The following GGN variants were observed in gnomAD, a reference collection of about 807,000 sequenced individuals.
The protein encoded by GGN is gametogenetin.
Under a neutral mutation model 35.5 loss-of-function variants are expected in GGN, and 27 were observed. The observed-to-expected ratio is 0.76, with a 90% CI of 0.56 to 1.05. The LOEUF (loss-of-function observed/expected upper bound fraction) is 1.05. Among genes scored for constraint, GGN ranks in the 50% least tolerant of loss-of-function variants. The pLI, the probability that GGN is intolerant of heterozygous loss-of-function variation, is 0.00. For synonymous variants in GGN, 425 were observed against 444.1 expected (o/e 0.96, Z 0.54); for missense variants, 1,006 against 940.7 (o/e 1.07, Z -0.91).
At chr19:38,388,062 T>C (rs550407161), upstream of GGN, 480 of 157,752 alleles carry the variant, frequency 3.0e-3, 5 homozygotes, top group Non-Finnish European at 4.8e-3. Context: ...GTTGTTCTCC[T>C]TAGCCCCTCC....
At position 38,387,092 on chromosome 19, in the gene GGN, G is replaced by C; in HGVS notation, c.170C>G (p.Pro57Arg). 1 of 1,559,412 alleles carries C rather than the reference G, an allele frequency of 6.4e-7. No individual in the cohort carries two copies. The highest frequency in any genetic ancestry group is 1.7e-4 in the Middle Eastern group (1 of 5,994). Reference protein sequence around the residue: ...LGVWFPGSATPPGLMVPREPQ... With the variant: ...LGVWFPGSATRPGLMVPREPQ... ...CTCCCGGGGTACCATGAGTCCCGGG[G>C]GTGTGGCGCTGCCAGGGAACCAGAC... Residue 57 changes from proline to arginine, a missense_variant, in exon 3 of 4, where the codon CCC (proline) becomes CGC (arginine). By Grantham distance (103) the Pro-to-Arg change is moderately radical. Coordinates refer to ENST00000334928, the MANE Select transcript of GGN (RefSeq NM_152657.4). The surrounding 1 kb of genome is among the most constrained non-coding windows in gnomAD (Gnocchi z 5.3).
rs200897385 is a variant in GGN, at chr19:38,384,403, C to T, written c.*9G>A. 1.4e-5 allele frequency: 23 copies of T among 1,598,810 alleles called. No homozygotes were observed. Among genetic ancestry groups the T allele is most frequent in the South Asian group, 4.4e-5 (4 of 90,690 alleles). On this transcript the variant is annotated 3_prime_UTR_variant, in exon 4 of 4. Transcript: ENST00000334928. ...GAGGGGAAGGTGGAGGGTGTTGAGC[C>T]GACTACACTCAGTTGGAATGGGTGG...
Position 38,386,440 on chromosome 19 carries a change from G to A in GGN, c.822C>T (p.Gly274=). The A allele has an allele frequency of 1.9e-6, 3 of 1,612,720 alleles. No individual in the cohort carries two copies. The highest frequency in any genetic ancestry group is 2.5e-6 in the Non-Finnish European group (3 of 1,179,932). ...TGGCACCTGAGGCAGCAAAGAGGCC[G>A]CCGCCTCCGCCGCCCCCCAGCGAAG... ...AKASLGGGGG[G]GLFAASGAIS... The change falls in exon 3 of 4, where the codon GGC becomes GGT. Residue 274 remains glycine, a synonymous_variant. Coordinates refer to ENST00000334928, the MANE Select transcript of GGN (RefSeq NM_152657.4).
chr19:38,385,399 C>T, intron 3 of GGN, 22 bp downstream of exon 3: 2 of 1,613,010 alleles, frequency 1.2e-6, no homozygotes, highest in Non-Finnish European at 1.7e-6. Context: ...TCGGCACCCT[C>T]CTGTCCCTTC....
intron 3 of GGN, 138 bp downstream of exon 3, chr19:38,385,283 G>T: frequency 8.4e-7 from 1 of 1,184,172 alleles, no homozygotes; most frequent in Non-Finnish European, 1.2e-6. Flanking sequence ...GTCCTGAAGG[G>T]TGGGAGCTCA....
At position 38,386,568 on chromosome 19, in the gene GGN, G is replaced by C; in HGVS notation, c.694C>G (p.Pro232Ala). ...PHAGEGEMAQ[P>A]ADSESGLSLL... The stretch of plus-strand genomic sequence containing the variant: ...CTCAGACCGGACTCGGAATCCGCAG[G>C]CTGGGCCATTTCGCCTTCGCCCGCA... The change falls in exon 3 of 4, where the codon CCT (proline) becomes GCT (alanine). Residue 232 changes from proline to alanine, a missense_variant. Physicochemically the swap from Pro to Ala is conservative, Grantham distance 27 (BLOSUM62 -1). Transcript: ENST00000334928. 2 of 1,613,676 alleles carry C rather than the reference G, an allele frequency of 1.2e-6. No individual in the cohort carries two copies. The highest frequency in any genetic ancestry group is 1.7e-6 in the Non-Finnish European group (2 of 1,179,940).
At position 38,386,679 on chromosome 19, in the gene GGN, G is replaced by C. The variant is rs918528786; in HGVS notation, c.583C>G (p.Pro195Ala). ...TGGCTTTCTGTCGGGGGTGAGGCGG[G>C]TGTGGCCAGAGCAGGAGTGATTCTG... ...DRRITPALATPASPPTESQAG... is the reference protein window; with the variant it reads ...DRRITPALATAASPPTESQAG... The change falls in exon 3 of 4, where the codon CCC (proline) becomes GCC (alanine). Residue 195 changes from proline to alanine, a missense_variant. By Grantham distance (27) the Pro-to-Ala change is conservative. Coordinates refer to ENST00000334928, the MANE Select transcript of GGN (RefSeq NM_152657.4). 1 of 1,610,546 alleles carries C rather than the reference G, an allele frequency of 6.2e-7. No homozygotes were observed. The highest frequency in any genetic ancestry group is 1.3e-5 in the African/African-American group (1 of 74,982).
chr19:38,386,102 C>T lies in GGN; in HGVS notation c.1160G>A (p.Trp387Ter). Residue 387 changes from tryptophan to a stop codon, truncating the protein, a stop_gained, in exon 3 of 4, where the codon TGG (tryptophan) becomes TAG (stop). Coordinates refer to ENST00000334928, the MANE Select transcript of GGN (RefSeq NM_152657.4). LOFTEE classifies it high-confidence loss of function. ...CTCTGGTGGTGGCGGAGGGGAGCCC[C>T]AAGGCCCAGAGAGTGCGGCCGCACG... ...RRRAAALSGPWGSPPPPPEQI... is the reference protein window; with the variant it reads ...RRRAAALSGP The T allele has an allele frequency of 2.5e-6, 4 of 1,582,950 alleles. No homozygotes were observed. The highest frequency in any genetic ancestry group is 1.3e-5 in the African/African-American group (1 of 74,462).
chr19:38,385,937 G>T lies in GGN; in HGVS notation c.1325C>A (p.Pro442Gln). The T allele has an allele frequency of 6.3e-7, 1 of 1,586,950 alleles. No individual in the cohort carries two copies. The highest frequency in any genetic ancestry group is 8.6e-7 in the Non-Finnish European group (1 of 1,168,012). ...PGLQELPPLP[P>Q]PTPPPTLQPP... ...CTGCAGTGTGGGCGGCGGTGTGGGC[G>T]GTGGCAGCGGTGGTAACTCCTGCAG... Residue 442 changes from proline to glutamine, a missense_variant, in exon 3 of 4, where the codon CCG becomes CAG. By Grantham distance (76) the Pro-to-Gln change is moderately conservative (BLOSUM62 -1). Coordinates refer to ENST00000334928, the MANE Select transcript of GGN (RefSeq NM_152657.4).
At position 38,386,074 on chromosome 19, in the gene GGN, C is replaced by A; in HGVS notation, c.1188G>T (p.Gln396His). 6.3e-7 allele frequency: 1 copy of A among 1,589,814 alleles called. No individual in the cohort carries two copies. Among genetic ancestry groups the A allele is most frequent in the South Asian group, 1.1e-5 (1 of 87,948 alleles). The change falls in exon 3 of 4, where the codon CAG becomes CAT. Residue 396 changes from glutamine to histidine, a missense_variant. Coordinates refer to ENST00000334928, the MANE Select transcript of GGN (RefSeq NM_152657.4). ...TCCGGGGCCCGGGAGCTGAGTGTATCTGCTCTGGTGGTGGCGGAGGGGAGC... is the reference window on the plus strand; with the variant it reads ...TCCGGGGCCCGGGAGCTGAGTGTATATGCTCTGGTGGTGGCGGAGGGGAGC... ...PWGSPPPPPE[Q>H]IHSAPGPRRP...
chr19:38,385,760 G>T lies in GGN; in HGVS notation c.1502C>A (p.Ala501Asp). 1 of 1,589,930 alleles carries T rather than the reference G, an allele frequency of 6.3e-7. No homozygotes were observed. The change falls in exon 3 of 4, where the codon GCT becomes GAT. Residue 501 changes from alanine to aspartate, a missense_variant. Physicochemically the swap from Ala to Asp is moderately radical, Grantham distance 126 (BLOSUM62 -2). Transcript: ENST00000334928. Reference protein sequence around the residue: ...DQAPAPSPAPAPTVAEPSPPV... With the variant: ...DQAPAPSPAPDPTVAEPSPPV... ...CGGCGAGGGCTCAGCCACGGTGGGA[G>T]CTGGAGCCGGGGATGGGGCCGGGGC...
chr19:38,385,246 G>A (rs1336318683), intron 3 of GGN, among the ~76,000 whole-genome samples, 175 bp downstream of exon 3: 1 of 152,222 alleles, frequency 6.6e-6, no homozygotes, highest in African/African-American at 2.4e-5. Flanking sequence ...CCCGTCAAAG[G>A]TCAGCATGGG....
Position 38,385,885 on chromosome 19 carries a change from C to A in GGN, c.1377G>T (p.Leu459=). 1 of 1,551,846 alleles carries A rather than the reference C, an allele frequency of 6.4e-7. No homozygotes were observed. Among genetic ancestry groups the A allele is most frequent in the Non-Finnish European group, 8.7e-7 (1 of 1,150,796 alleles). Residue 459 remains leucine, a synonymous_variant, in exon 3 of 4, where the codon CTG becomes CTT. Coordinates refer to ENST00000334928, the MANE Select transcript of GGN (RefSeq NM_152657.4). ...CCGGGGTGAGCGGGGGAGCCACCGGCAGCGGCGTTGGCTGGAGCGCTGGTG... is the reference window on the plus strand; with the variant it reads ...CCGGGGTGAGCGGGGGAGCCACCGGAAGCGGCGTTGGCTGGAGCGCTGGTG... ...LQPPALQPTP[L]PVAPPLTPGL...
rs1970684140 is a variant in GGN, at chr19:38,384,981, T to A, written c.1841+440A>T. Reference sequence around the variant, plus strand: ...GGGGTCAGGAGTCCAGGGCTGCCCCTGTGCCCAGTAAAGTTGGAGGCGTGC... The same window carrying A: ...GGGGTCAGGAGTCCAGGGCTGCCCCAGTGCCCAGTAAAGTTGGAGGCGTGC... On this transcript the variant is annotated intron_variant, in intron 3 of 3. Transcript: ENST00000334928. 3.3e-5 allele frequency among the ~76,000 whole-genome samples: 5 copies of A among 152,182 alleles called. No individual in the cohort carries two copies. The South Asian group carries it at 1.0e-3, about 32-fold the overall frequency.
In GGN at chr19:38,385,670, G is replaced by T; in HGVS notation, c.1592C>A (p.Ser531Tyr). 6.2e-7 allele frequency: 1 copy of T among 1,613,770 alleles called. No homozygotes were observed. Among genetic ancestry groups the T allele is most frequent in the Non-Finnish European group, 8.5e-7 (1 of 1,179,954 alleles). Residue 531 changes from serine (S) to tyrosine (Y), a missense_variant, in exon 3 of 4, where the codon TCC (serine) becomes TAC (tyrosine). Physicochemically the swap from Ser to Tyr is moderately radical, Grantham distance 144 (BLOSUM62 -2). Coordinates refer to ENST00000334928, the MANE Select transcript of GGN (RefSeq NM_152657.4). ...ACGGGTCGCGCCCCGGGCTGCACGG[G>T]AACCCTTGTTCCTGCGCGTGCGGGT... ...IKTRTRRNKG[S>Y]RAARGATRKD...
chr19:38,385,364 A>G, intron 3 of GGN, 57 bp downstream of exon 3: 1 of 1,608,946 alleles, frequency 6.2e-7, no homozygotes, highest in Non-Finnish European at 8.5e-7. Flanking sequence ...AGGGCTGAGT[A>G]GGACTCTATC....
chr19:38,386,791 G>T lies in GGN; in HGVS notation c.471C>A (p.Val157=), dbSNP rs778042910. Residue 157 remains valine, a synonymous_variant, in exon 3 of 4, where the codon GTC becomes GTA. Transcript: ENST00000334928. ...GCGGAAATTGGGATGGGGCCCTCGG[G>T]ACAGTGTCCTTCACGGATAGTTGCC... ...PPRQLSVKDT[V]PRAPSQFPPP... is the part of the protein sequence containing the mutation. 3 of 1,611,110 alleles carry T rather than the reference G, an allele frequency of 1.9e-6. No homozygotes were observed. The South Asian group carries it at 3.3e-5, about 18-fold the overall frequency.
At position 38,387,192 on chromosome 19, in the gene GGN, G is replaced by T. The variant is rs749876285; in HGVS notation, c.70C>A (p.Pro24Thr). 6.3e-7 allele frequency: 1 copy of T among 1,592,972 alleles called. No homozygotes were observed. Among genetic ancestry groups the T allele is most frequent in the Admixed American group, 1.7e-5 (1 of 57,694 alleles). The change falls in exon 3 of 4, where the codon CCC becomes ACC. Residue 24 changes from proline (P) to threonine (T), a missense_variant. Transcript: ENST00000334928. This position sits in a 1 kb window ranked among gnomAD's most constrained non-coding sequence, Gnocchi z 5.3. Reference sequence around the variant, plus strand: ...ACCAGGGACGTCCGGCGGGAGTCGGGGGCGCGGTCCGAGGGCTGCACTTTT... The same window carrying T: ...ACCAGGGACGTCCGGCGGGAGTCGGTGGCGCGGTCCGAGGGCTGCACTTTT... ...SRKVQPSDRAPDSRRTSLVEP... is the reference protein window; with the variant it reads ...SRKVQPSDRATDSRRTSLVEP...
Position 38,385,665 on chromosome 19 carries a change from C to T in GGN, c.1597G>A (p.Ala533Thr). The change falls in exon 3 of 4, where the codon GCA becomes ACA. Residue 533 changes from alanine to threonine, a missense_variant. Coordinates refer to ENST00000334928, the MANE Select transcript of GGN (RefSeq NM_152657.4). ...TRTRRNKGSR[A>T]ARGATRKDGL... ...TCCTTACGGGTCGCGCCCCGGGCTG[C>T]ACGGGAACCCTTGTTCCTGCGCGTG... is the stretch of plus-strand genomic sequence containing the variant. 1.9e-6 allele frequency: 3 copies of T among 1,613,798 alleles called. No homozygotes were observed. Among genetic ancestry groups the T allele is most frequent in the Non-Finnish European group, 2.5e-6 (3 of 1,179,942 alleles).
Sources: gnomAD v4.1 joint callset for allele counts (sites outside exome capture counted in the v4.1 genomes callset) on GRCh38, gnomAD v4.1.1 for gene constraint, Gnocchi (gnomAD v3.1) non-coding constraint, MANE v1.5 for transcripts, NCBI Gene and HGNC (gene_info 2026-07-23, HGNC 2026-07-21) for gene names.